The following JAK1 variants were observed in gnomAD, a reference collection of about 807,000 sequenced individuals.
JAK1 encodes Janus kinase 1, also known as tyrosine-protein kinase JAK1.
Under a neutral mutation model 136.6 loss-of-function variants are expected in JAK1, and 16 were observed. The observed-to-expected ratio is 0.12, with a 90% CI of 0.08 to 0.18. The LOEUF (loss-of-function observed/expected upper bound fraction) is 0.18, where lower values mean the gene tolerates loss of function less well. JAK1 is among the 10% of genes least tolerant of loss of function. The pLI is 1.00. For missense variants in JAK1, 859 were observed against 1,450.1 expected (o/e 0.59, Z 6.62); for synonymous variants, 492 against 519.5 (o/e 0.95, Z 0.72).
chr1:64,931,428 G>A (rs781592263), intron 1 of JAK1, among the ~76,000 whole-genome samples: 26 of 151,916 alleles, frequency 1.7e-4, no homozygotes, highest in East Asian at 7.8e-4. Flanking sequence ...TGTCCACGCC[G>A]GGTGTCACTC....
chr1:64,873,219 T>C, intron 5 of JAK1, 151 bp downstream of exon 5: 4 of 800,294 alleles, frequency 5.0e-6, no homozygotes, highest in South Asian at 3.7e-5. Context: ...TTCTCCTCAC[T>C]TGGGGCAAGT....
At chr1:64,874,146 T>C (rs1187060796) in intron 4 of JAK1, among the ~76,000 whole-genome samples, 2 of 152,196 alleles carry the variant, frequency 1.3e-5, no homozygotes, top group Non-Finnish European at 2.9e-5. Flanking sequence ...AAGGAAGGTT[T>C]CATTCATTTT....
chr1:64,846,584 C>T (rs2101006899), intron 14 of JAK1, 65 bp downstream of exon 14: 1 of 1,204,404 alleles, frequency 8.3e-7, no homozygotes, highest in Non-Finnish European at 1.2e-6. Flanking sequence ...AGAGCCTCCA[C>T]CATCTCCACA....
At chr1:64,919,908 G>A (rs1645466515) in intron 1 of JAK1, among the ~76,000 whole-genome samples, 1 of 151,986 alleles carries the variant, frequency 6.6e-6, no homozygotes, top group South Asian at 2.1e-4. Flanking sequence ...TCTTGGATGA[G>A]GTCCTTCCAT....
At chr1:64,926,341 T>C (rs1267421491) in intron 1 of JAK1, among the ~76,000 whole-genome samples, 2 of 151,758 alleles carry the variant, frequency 1.3e-5, no homozygotes, top group African/African-American at 4.8e-5. Flanking sequence ...CCTGCCCATT[T>C]TTCCAGACTC....
intron 1 of JAK1, among the ~76,000 whole-genome samples, chr1:64,950,136 G>T (rs935475872): frequency 6.6e-6 from 1 of 152,044 alleles, no homozygotes; most frequent in African/African-American, 2.4e-5. Flanking sequence ...TAGGCCGGGC[G>T]CAGTGGCTTA....
Position 64,984,670 on chromosome 1 carries a change from C to T in JAK1, c.-78+59810G>A. ...GTTCATCTCCATGACACAGTCCTTC[C>T]AGATCTATTTGCATCGTGTGCCTGC... On this transcript the variant is annotated intron_variant, in intron 2 of 25. Transcript: ENST00000671954. This position sits in a 1 kb window ranked among gnomAD's most constrained non-coding sequence, Gnocchi z 4.1. 1 of 578,072 alleles carries T rather than the reference C, an allele frequency of 1.7e-6. No homozygotes were observed. The highest frequency in any genetic ancestry group is 1.8e-5 in the South Asian group (1 of 56,748). 35.8% of individuals were successfully genotyped at this position (578,072 alleles called of 1,614,324 possible).
Position 64,844,299 on chromosome 1 carries a change from GC to G in JAK1, c.2252-85del. 2.6e-6 allele frequency: 4 copies of G among 1,528,426 alleles called. No individual in the cohort carries two copies. The highest frequency in any genetic ancestry group is 3.6e-6 in the Non-Finnish European group (4 of 1,104,896). The allele number at this position is 1,528,426 out of a possible 1,614,324, so 94.7% of individuals were successfully genotyped here. A position where few individuals can be genotyped will look rare whatever the true frequency, so the allele number is the denominator to read the frequency against. On this transcript the variant is annotated intron_variant, in intron 16 of 24. Transcript: ENST00000342505. The surrounding 1 kb of genome is among the most constrained non-coding windows in gnomAD (Gnocchi z 5.7). ...ACTGTCACTGCAGCCAGAACAGTGA[GC>G]CAATGAAGGAACTACTTCAAGCAGT...
At chr1:65,065,736 A>G (rs1204475631) in intron 1 of JAK1, among the ~76,000 whole-genome samples, 1 of 150,494 alleles carries the variant, frequency 6.6e-6, no homozygotes, top group Non-Finnish European at 1.5e-5. Flanking sequence ...GGCCTGGGGA[A>G]AGAAAGCCAG....
chr1:64,925,389 T>A (rs1370457577), intron 1 of JAK1, among the ~76,000 whole-genome samples: 2 of 151,636 alleles, frequency 1.3e-5, no homozygotes, highest in Non-Finnish European at 2.9e-5. Context: ...AGAGGGAAAC[T>A]CTGTCTCAAA....
At chr1:65,065,827 A>G (rs1164647637) in intron 1 of JAK1, among the ~76,000 whole-genome samples, 1 of 151,642 alleles carries the variant, frequency 6.6e-6, no homozygotes, top group Non-Finnish European at 1.5e-5. Flanking sequence ...AGATTCCATT[A>G]GAAGACCCAG....
At chr1:65,035,082 A>AAATAAATAAATAAAT (rs751690684) in intron 2 of JAK1, among the ~76,000 whole-genome samples, 4 of 148,968 alleles carry the variant, frequency 2.7e-5, no homozygotes, top group African/African-American at 9.8e-5. Flanking sequence ...ATAAATAAAT[A>AAATAAATAAATAAAT]AATAAATAAT....
Position 64,857,765 on chromosome 1 carries a change from A to T in JAK1, c.1349T>A (p.Ile450Asn), listed in dbSNP as rs759703507. ...GCTTCCTTCTTGCCGCAATTTATTG[A>T]TGGCGTATTCTGTACTAGAGGGAGA... ...CHGPICTEYA[I>N]NKLRQEGSEE... Residue 450 changes from isoleucine to asparagine, a missense_variant, in exon 10 of 25, where the codon ATC becomes AAC. Around this residue, in one of 4 missense-constraint regions of JAK1, gnomAD observed 409 missense variants for 753.8 expected, o/e 0.54. Coordinates refer to ENST00000342505, the MANE Select transcript of JAK1 (RefSeq NM_002227.4). The T allele has an allele frequency of 2.6e-5, 42 of 1,614,164 alleles. No homozygotes were observed. Among genetic ancestry groups the T allele is most frequent in the Non-Finnish European group, 3.2e-5 (38 of 1,180,010 alleles).
rs1656028929 is a variant in JAK1 at position 64,857,695 on chromosome 1, G to A, written c.1419C>T (p.Asp473=). 3 of 1,614,182 alleles carry A rather than the reference G, an allele frequency of 1.9e-6. No individual in the cohort carries two copies. Among genetic ancestry groups the A allele is most frequent in the Non-Finnish European group, 2.5e-6 (3 of 1,180,046 alleles). The change falls in exon 10 of 25, where the codon GAC becomes GAT. Residue 473 remains aspartate (D), a synonymous_variant. Transcript: ENST00000342505. The stretch of plus-strand genomic sequence containing the variant: ...AGCAGGTGACGGTCATGAGGATGTT[G>A]TCAAAGTCGGTGCAGCTCCACCTCA... ...YVLRWSCTDF[D]NILMTVTCFE... is the part of the protein sequence containing the mutation.
chr1:65,013,722 C>A (rs1646869594), intron 2 of JAK1, among the ~76,000 whole-genome samples: 1 of 152,118 alleles, frequency 6.6e-6, no homozygotes, highest in South Asian at 2.1e-4. Context: ...TGTATTTACA[C>A]AAATAAGTTT....
In JAK1 at chr1:64,951,396, A is replaced by T. The variant is rs141124573; in HGVS notation, c.-78+14937T>A. 1.6e-4 allele frequency among the ~76,000 whole-genome samples: 25 copies of T among 152,332 alleles called. No individual in the cohort carries two copies. The East Asian group carries it at 4.4e-3, about 27-fold the overall frequency. The stretch of plus-strand genomic sequence containing the variant: ...ATATATCAAGCATACAGAAAAGTAT[A>T]AAGAACCATTGATCTTTAAAGAGGA... On this transcript the variant is annotated intron_variant, in intron 1 of 24. Coordinates refer to ENST00000342505, the MANE Select transcript of JAK1 (RefSeq NM_002227.4).
At chr1:64,870,882 G>A (rs900633149) in intron 5 of JAK1, among the ~76,000 whole-genome samples, 2 of 152,158 alleles carry the variant, frequency 1.3e-5, no homozygotes, top group African/African-American at 2.4e-5. Flanking sequence ...TGTGTGAAGA[G>A]CAAAGGAAAA....
chr1:64,876,925 C>T (rs974449101), intron 4 of JAK1, among the ~76,000 whole-genome samples: 2 of 152,160 alleles, frequency 1.3e-5, no homozygotes, highest in Admixed American at 1.3e-4. Context: ...ATATTATACA[C>T]AACAAACTCT....
intron 20 of JAK1, 37 bp from the exon 21 acceptor site, chr1:64,838,626 A>C: frequency 1.2e-6 from 2 of 1,606,920 alleles, no homozygotes; most frequent in Non-Finnish European, 1.7e-6. Context: ...TGAGGCTGCC[A>C]AATGAGGGAA....
Sources: gnomAD v4.1 joint callset for allele counts (sites outside exome capture counted in the v4.1 genomes callset) on GRCh38, gnomAD v4.1.1 for gene constraint, gnomAD v4.1.1 regional missense constraint, Gnocchi (gnomAD v3.1) non-coding constraint, MANE v1.5 for transcripts, NCBI Gene and HGNC (gene_info 2026-07-23, HGNC 2026-07-21) for gene names.